Variants in DCDC1 observed in about 807,000 individuals in gnomAD.
The protein encoded by DCDC1 is doublecortin domain containing 1.
A neutral mutation model predicts 178.3 loss-of-function variants in DCDC1; 200 were observed. The observed-to-expected ratio is 1.12, with a 90% CI of 1.00 to 1.26. The LOEUF is 1.26. Among genes scored for constraint, DCDC1 ranks in the 50% most tolerant of loss-of-function variants. DCDC1 has a pLI of 0.00. For missense variants in DCDC1, 1,983 were observed against 1,749.2 expected (o/e 1.13, Z -2.38); for synonymous variants, 690 against 604.8 (o/e 1.14, Z -2.07).
intron 17 of DCDC1, among the ~76,000 whole-genome samples, chr11:31,082,645 A>G (rs1483263592): frequency 6.6e-6 from 1 of 152,102 alleles, no homozygotes; most frequent in African/African-American, 2.4e-5. Flanking sequence ...ATACATCTAC[A>G]CATATATATG....
At chr11:30,957,921 T>G (rs1035354534) in intron 20 of DCDC1, among the ~76,000 whole-genome samples, 4 of 152,174 alleles carry the variant, frequency 2.6e-5, no homozygotes, top group Non-Finnish European at 5.9e-5. Context: ...AGTTTCTCTA[T>G]GACTATTTGA....
At chr11:31,025,692 T>C (rs1953181189) in intron 20 of DCDC1, among the ~76,000 whole-genome samples, 1 of 151,846 alleles carries the variant, frequency 6.6e-6, no homozygotes, top group African/African-American at 2.4e-5. Flanking sequence ...TTAAGATAAT[T>C]GGAATAGGTA....
chr11:31,222,126 G>C (rs938024662), intron 9 of DCDC1, among the ~76,000 whole-genome samples: 3 of 152,048 alleles, frequency 2.0e-5, no homozygotes, highest in Non-Finnish European at 2.9e-5. Context: ...GCAGTGGTGT[G>C]ATGTCGGCTC....
intron 17 of DCDC1, among the ~76,000 whole-genome samples, chr11:31,079,532 T>C (rs1957057735): frequency 6.6e-6 from 1 of 152,154 alleles, no homozygotes. Flanking sequence ...GTATAGGTGA[T>C]AACCTGGGAC....
intron 11 of DCDC1, among the ~76,000 whole-genome samples, chr11:31,111,934 T>C (rs1959183155): frequency 6.6e-6 from 1 of 152,204 alleles, no homozygotes; most frequent in African/African-American, 2.4e-5. Flanking sequence ...GGTCAACACC[T>C]AATACCTTCA....
At chr11:30,914,591 T>C (rs1945689662) in intron 27 of DCDC1, among the ~76,000 whole-genome samples, 1 of 151,006 alleles carries the variant, frequency 6.6e-6, no homozygotes, top group Non-Finnish European at 1.5e-5. Context: ...CAGGGAATTG[T>C]TTTCTTTTTT....
intron 36 of DCDC1, among the ~76,000 whole-genome samples, chr11:30,889,664 C>T (rs952408976): frequency 5.9e-5 from 9 of 152,214 alleles, no homozygotes; most frequent in African/African-American, 1.7e-4. Context: ...CATGCAAGCC[C>T]GTAAAGACAA....
chr11:31,350,628 T>G (rs1000958152), intron 1 of DCDC1, among the ~76,000 whole-genome samples: 28 of 152,146 alleles, frequency 1.8e-4, no homozygotes, highest in African/African-American at 6.3e-4. Context: ...ACTGTGAAAC[T>G]GTAGATCCAT....
At chr11:31,324,240 A>T (rs1280994556) in intron 3 of DCDC1, among the ~76,000 whole-genome samples, 1 of 152,100 alleles carries the variant, frequency 6.6e-6, no homozygotes, top group African/African-American at 2.4e-5. Context: ...CTAAAGAAGA[A>T]GAACAATTTC....
chr11:31,302,956 A>G (rs1948212032), intron 6 of DCDC1, among the ~76,000 whole-genome samples: 1 of 152,228 alleles, frequency 6.6e-6, no homozygotes, highest in African/African-American at 2.4e-5. Flanking sequence ...CAGAAATAAA[A>G]TAAGATCCAT....
intron 8 of DCDC1, among the ~76,000 whole-genome samples, chr11:31,244,380 C>G (rs1565488955): frequency 6.6e-6 from 1 of 151,662 alleles, no homozygotes; most frequent in African/African-American, 2.4e-5. Flanking sequence ...TGGTTTTCTT[C>G]TCTTTTATGT....
chr11:31,048,823 C>G (rs1045782035), intron 20 of DCDC1, among the ~76,000 whole-genome samples: 1 of 152,004 alleles, frequency 6.6e-6, no homozygotes, highest in Non-Finnish European at 1.5e-5. Flanking sequence ...CGCCACTGCA[C>G]TCCAGCCTGG....
intron 20 of DCDC1, among the ~76,000 whole-genome samples, chr11:31,004,681 CAAAAAAAAAAA>C (rs201483189): frequency 1.7e-4 from 12 of 72,506 alleles, no homozygotes; most frequent in Non-Finnish European, 1.8e-4. Context: ...CACTCTGTCT[CAAAAAAAAAAA>C]AAAAAAAAAA....
At chr11:30,898,051 CAG>C (rs1404745746) in intron 34 of DCDC1, among the ~76,000 whole-genome samples, 2 of 152,108 alleles carry the variant, frequency 1.3e-5, no homozygotes, top group African/African-American at 4.8e-5. Context: ...GCCGAAAGCT[CAG>C]AGTTAAGAAA....
chr11:30,987,280 G>A (rs1429741516), intron 20 of DCDC1, among the ~76,000 whole-genome samples: 1 of 152,132 alleles, frequency 6.6e-6, no homozygotes, highest in South Asian at 2.1e-4. Flanking sequence ...GCCTCCCAAA[G>A]TGCTGGGATT....
chr11:31,120,710 C>G (rs1960672279), intron 11 of DCDC1, among the ~76,000 whole-genome samples: 1 of 152,082 alleles, frequency 6.6e-6, no homozygotes, highest in South Asian at 2.1e-4. Flanking sequence ...TGCCTGTACT[C>G]ATCTTCCTCT....
In DCDC1 at chr11:31,116,000, T is replaced by C. The variant is rs866602148; in HGVS notation, c.1486-5639A>G. On this transcript the variant is annotated intron_variant, in intron 11 of 38. Coordinates refer to ENST00000684477, the MANE Select transcript of DCDC1 (RefSeq NM_001387274.1). ...TGGCAGTGGGGGGGGGGGGGATGGG[T>C]ATCTCAGTCCTGAGAGGGAATCTGG... 1.4e-3 allele frequency among the ~76,000 whole-genome samples: 123 copies of C among 89,044 alleles called. 4 individuals are homozygous for C. The highest frequency in any genetic ancestry group is 4.1e-3 in the African/African-American group (110 of 26,864). The allele number at this position is 89,044 out of a possible 152,430, so 58.4% of individuals were successfully genotyped here.
chr11:30,906,561 GAA>G lies in DCDC1; in HGVS notation c.4081_4082del (p.Phe1361GlnfsTer7). ...ATACCTCAGCCACACTGATGACCTT[GAA>G]GGGCCCTTGTAAGAAGGGCTTCTGA... ...KTQKPFLQGP[F>X]KVISVAEVDL... On this transcript the variant is annotated frameshift_variant, in exon 30 of 39. Coordinates refer to ENST00000684477, the MANE Select transcript of DCDC1 (RefSeq NM_001387274.1). LOFTEE classifies it high-confidence loss of function. 1 of 1,613,004 alleles carries G rather than the reference GAA, an allele frequency of 6.2e-7. No individual in the cohort carries two copies. The highest frequency in any genetic ancestry group is 8.5e-7 in the Non-Finnish European group (1 of 1,179,456).
chr11:31,255,558 C>A (rs1944362775), intron 8 of DCDC1, among the ~76,000 whole-genome samples: 1 of 152,064 alleles, frequency 6.6e-6, no homozygotes, highest in Admixed American at 6.6e-5. Context: ...TAATTTTTGA[C>A]TTGCATTTCC....
Sources: allele counts gnomAD v4.1 joint callset (sites outside exome capture counted in the v4.1 genomes callset), GRCh38; gene constraint gnomAD v4.1.1; transcripts MANE v1.5; gene names NCBI Gene and HGNC (gene_info 2026-07-23, HGNC 2026-07-21).